The following PPIL6 variants were observed in gnomAD, a reference collection of about 807,000 sequenced individuals.
PPIL6 encodes probable inactive peptidyl-prolyl cis-trans isomerase-like 6.
A neutral mutation model predicts 36.8 loss-of-function variants in PPIL6; 39 were observed. The ratio of observed to expected loss-of-function variants is 1.06; its 90% CI spans 0.82 to 1.38. The LOEUF (loss-of-function observed/expected upper bound fraction) is 1.38. PPIL6 is among the 40% of genes most tolerant of loss of function. PPIL6 has a pLI of 0.00. For missense variants in PPIL6, 368 were observed against 379.1 expected (o/e 0.97, Z 0.24); for synonymous variants, 123 against 134.1 (o/e 0.92, Z 0.57).
chr6:109,416,453 T>A (rs1413943982), intron 6 of PPIL6, among the ~76,000 whole-genome samples: 2 of 151,460 alleles, frequency 1.3e-5, no homozygotes, highest in Non-Finnish European at 2.9e-5. Flanking sequence ...TCCACCCGCC[T>A]CAGCCTCCCA....
intron 3 of PPIL6, among the ~76,000 whole-genome samples, chr6:109,430,510 T>A (rs1459663107): frequency 1.3e-5 from 2 of 151,568 alleles, no homozygotes; most frequent in Non-Finnish European, 2.9e-5. Flanking sequence ...CACTGCAACC[T>A]CCACCTCCCA....
At position 109,436,118 on chromosome 6, in the gene PPIL6, G is replaced by A; in HGVS notation, c.217C>T (p.Gln73Ter). 1 of 1,560,422 alleles carries A rather than the reference G, an allele frequency of 6.4e-7. No individual in the cohort carries two copies. Among genetic ancestry groups the A allele is most frequent in the Non-Finnish European group, 8.8e-7 (1 of 1,132,266 alleles). The change falls in exon 2 of 8, where the codon CAG becomes TAG. Residue 73 changes from glutamine to a stop codon, truncating the protein, a stop_gained. Transcript: ENST00000521072. LOFTEE classifies it high-confidence loss of function. ...ATATCCTTTACCCTTTTTTTCTCCT[G>A]TAGATATTGATGCCATGCAAATTCT... is the stretch of plus-strand genomic sequence containing the variant. Reference protein sequence around the residue: ...LQEFAWHQYLQEKKRELKNET... With the variant: ...LQEFAWHQYL
chr6:109,423,688 T>C (rs898571071), intron 5 of PPIL6, among the ~76,000 whole-genome samples: 2 of 152,198 alleles, frequency 1.3e-5, no homozygotes, highest in Non-Finnish European at 2.9e-5. Flanking sequence ...TAAAAAAGTT[T>C]ATTTCATTTT....
chr6:109,426,320 A>G (rs1582581852), intron 5 of PPIL6, among the ~76,000 whole-genome samples: 1 of 152,302 alleles, frequency 6.6e-6, no homozygotes, highest in Admixed American at 6.5e-5. Context: ...GGCGCCCAAT[A>G]TTCAATTCCA....
At chr6:109,398,179 C>T (rs1280559625) in intron 7 of PPIL6, among the ~76,000 whole-genome samples, 3 of 152,150 alleles carry the variant, frequency 2.0e-5, no homozygotes, top group Non-Finnish European at 4.4e-5. Context: ...CGTGAGCCAC[C>T]GCGTCCAGCC....
intron 6 of PPIL6, chr6:109,402,944 G>T: frequency 2.4e-6 from 2 of 830,936 alleles, no homozygotes; most frequent in Non-Finnish European, 3.7e-6. Flanking sequence ...TAGCTTTGCA[G>T]ACATAAAGTA....
chr6:109,436,940 A>C (rs1055101761), intron 1 of PPIL6, among the ~76,000 whole-genome samples: 3 of 152,234 alleles, frequency 2.0e-5, no homozygotes, highest in African/African-American at 7.2e-5. Context: ...CAGATACTTT[A>C]CTTATAACTA....
At chr6:109,437,970 G>A (rs543418501) in intron 1 of PPIL6, among the ~76,000 whole-genome samples, 2 of 152,106 alleles carry the variant, frequency 1.3e-5, no homozygotes, top group African/African-American at 2.4e-5. Context: ...GTTGTAGAAC[G>A]GACTATATCC....
chr6:109,414,384 CCTT>C, intron 6 of PPIL6, among the ~76,000 whole-genome samples: 1 of 151,952 alleles, frequency 6.6e-6, no homozygotes, highest in Non-Finnish European at 1.5e-5. Context: ...TTTCCTCAGC[CCTT>C]CTTTCCTCAG....
chr6:109,434,927 C>T (rs980139545), intron 2 of PPIL6, among the ~76,000 whole-genome samples: 2 of 152,220 alleles, frequency 1.3e-5, no homozygotes, highest in African/African-American at 2.4e-5. Flanking sequence ...ACTATCATCC[C>T]TGGACAAGCT....
intron 3 of PPIL6, among the ~76,000 whole-genome samples, chr6:109,429,155 G>A: frequency 6.6e-6 from 1 of 152,138 alleles, no homozygotes; most frequent in East Asian, 1.9e-4. Context: ...AAAATCTATT[G>A]TCTCTGGAAC....
At position 109,391,241 on chromosome 6, in the gene PPIL6, T is replaced by C. The variant is rs1407142419; in HGVS notation, c.*1585A>G. 2.2e-5 allele frequency: 3 copies of C among 137,270 alleles called. No homozygotes were observed. The highest frequency in any genetic ancestry group is 8.3e-5 in the African/African-American group (3 of 35,936). The allele number at this position is 137,270 out of a possible 1,614,324, so 8.5% of individuals were successfully genotyped here. On this transcript the variant is annotated 3_prime_UTR_variant, in exon 8 of 8. Transcript: ENST00000521072. ...AGGCAGAGCTTGCAGTGAGCCGAGA[T>C]TGTGCCACTGCACTCCAGCCTGGGC...
At chr6:109,423,898 T>C (rs1269256952) in intron 5 of PPIL6, among the ~76,000 whole-genome samples, 1 of 152,214 alleles carries the variant, frequency 6.6e-6, no homozygotes. Context: ...CTTTTCTTTC[T>C]ACAAGTATTT....
At chr6:109,419,066 T>C in intron 6 of PPIL6, 121 bp downstream of exon 6, 1 of 677,874 alleles carries the variant, frequency 1.5e-6, no homozygotes, top group South Asian at 2.0e-5. Context: ...CATTTTTACC[T>C]CTTGCTTGTA....
chr6:109,392,694 T>G lies in PPIL6; in HGVS notation c.*132A>C. ...GAAAGGAAGATGGGGAGGGATTGGGTGTAGATGAGGCAACCTACAGTGTCT... is the reference window on the plus strand; with the variant it reads ...GAAAGGAAGATGGGGAGGGATTGGGGGTAGATGAGGCAACCTACAGTGTCT... On this transcript the variant is annotated 3_prime_UTR_variant, in exon 8 of 8. Transcript: ENST00000521072. 1.7e-6 allele frequency: 1 copy of G among 600,714 alleles called. No individual in the cohort carries two copies. The highest frequency in any genetic ancestry group is 2.9e-6 in the Non-Finnish European group (1 of 342,150). 37.2% of individuals were successfully genotyped at this position (600,714 alleles called of 1,614,324 possible).
intron 6 of PPIL6, among the ~76,000 whole-genome samples, chr6:109,401,256 G>T (rs1255213282): frequency 2.0e-5 from 3 of 152,054 alleles, no homozygotes; most frequent in Non-Finnish European, 4.4e-5. Context: ...TTTAGTGTAA[G>T]ATTTAGAAGT....
intron 1 of PPIL6, 88 bp downstream of exon 1, chr6:109,440,368 C>A: frequency 6.8e-7 from 1 of 1,461,220 alleles, no homozygotes; most frequent in Non-Finnish European, 9.2e-7. Flanking sequence ...ACCCCCGCCG[C>A]CTCGAGGAGG....
chr6:109,441,089 C>T (rs1774849694), upstream of PPIL6: 3 of 1,612,992 alleles, frequency 1.9e-6, no homozygotes, highest in Non-Finnish European at 2.5e-6. Flanking sequence ...CTGGAGAGTT[C>T]GAGCCGCCTA....
chr6:109,434,162 C>T (rs1774318402), intron 2 of PPIL6, among the ~76,000 whole-genome samples: 1 of 152,190 alleles, frequency 6.6e-6, no homozygotes, highest in African/African-American at 2.4e-5. Flanking sequence ...CTGCCTAGGA[C>T]TATCCTACTT....
Sources: gnomAD v4.1 joint callset for allele counts (sites outside exome capture counted in the v4.1 genomes callset) on GRCh38, gnomAD v4.1.1 for gene constraint, MANE v1.5 for transcripts, NCBI Gene and HGNC (gene_info 2026-07-23, HGNC 2026-07-21) for gene names.